The following RBMS3 variants were observed in gnomAD, a reference collection of about 807,000 sequenced individuals.
RBMS3 encodes the protein RNA-binding motif, single-stranded-interacting protein 3.
In RBMS3, 27 loss-of-function variants were observed where a neutral mutation model predicts 66.8. The observed-to-expected ratio is 0.40, with a 90% CI of 0.30 to 0.56. The LOEUF (loss-of-function observed/expected upper bound fraction) is 0.56, where lower values mean the gene tolerates loss of function less well. Ranked by LOEUF, RBMS3 falls within the 20% of genes least tolerant of loss-of-function variation. The pLI is 0.40. For synonymous variants in RBMS3, 188 were observed against 183.0 expected (o/e 1.03, Z -0.22); for missense variants, 513 against 549.5 (o/e 0.93, Z 0.66).
At chr3:29,497,485 T>C (rs2043798292) in intron 3 of RBMS3, among the ~76,000 whole-genome samples, 1 of 152,214 alleles carries the variant, frequency 6.6e-6, no homozygotes, top group Non-Finnish European at 1.5e-5. Context: ...TGTCTTTCAC[T>C]TCCCTATTTT....
intron 11 of RBMS3, among the ~76,000 whole-genome samples, chr3:29,936,539 T>C (rs2061269548): frequency 1.3e-5 from 2 of 152,118 alleles, no homozygotes; most frequent in Non-Finnish European, 2.9e-5. Flanking sequence ...TGGTTTTCTC[T>C]TCCCAGCTGC....
intron 2 of RBMS3, among the ~76,000 whole-genome samples, chr3:29,472,741 A>T (rs2042781049): frequency 6.6e-6 from 1 of 151,938 alleles, no homozygotes; most frequent in African/African-American, 2.4e-5. Flanking sequence ...GAAGCTGCAG[A>T]CCTTCGCGGT....
intron 4 of RBMS3, among the ~76,000 whole-genome samples, chr3:29,649,533 A>G (rs138292016): frequency 6.6e-6 from 1 of 152,316 alleles, no homozygotes; most frequent in African/African-American, 2.4e-5. Flanking sequence ...CTTACAAGTC[A>G]TAAGGGAAAA....
chr3:29,921,063 T>C (rs1173896153), intron 10 of RBMS3, among the ~76,000 whole-genome samples: 1 of 152,024 alleles, frequency 6.6e-6, no homozygotes, highest in African/African-American at 2.4e-5. Flanking sequence ...TTTGTTTTGG[T>C]TTGCTGTTGT....
chr3:29,451,501 T>C (rs2042016637), intron 2 of RBMS3, among the ~76,000 whole-genome samples: 1 of 152,194 alleles, frequency 6.6e-6, no homozygotes, highest in Admixed American at 6.5e-5. Flanking sequence ...GTCTCCCTAA[T>C]ATATAATTAA....
At position 29,825,634 on chromosome 3, in the gene RBMS3, G is replaced by C. The variant is rs558881038; in HGVS notation, c.638-43224G>C. 4.2e-3 allele frequency among the ~76,000 whole-genome samples: 642 copies of C among 152,270 alleles called. 7 individuals are homozygous for C. Among genetic ancestry groups the C allele is most frequent in the African/African-American group, 0.015 (608 of 41,566 alleles). The stretch of plus-strand genomic sequence containing the variant: ...TTCTCCTTTGCCATCTGCCATGCTT[G>C]TGAGAGACTTCCCCAGCCATGTGGA... On this transcript the variant is annotated intron_variant, in intron 6 of 14. Coordinates refer to ENST00000383767, the MANE Select transcript of RBMS3 (RefSeq NM_001003793.3).
chr3:29,771,530 T>C (rs760340496), intron 6 of RBMS3, among the ~76,000 whole-genome samples: 12 of 152,000 alleles, frequency 7.9e-5, no homozygotes, highest in Non-Finnish European at 1.2e-4. Flanking sequence ...TTAGGTTACA[T>C]GAAAAAGAGT....
At chr3:29,291,669 T>C (rs879712837) in intron 1 of RBMS3, among the ~76,000 whole-genome samples, 3 of 151,870 alleles carry the variant, frequency 2.0e-5, no homozygotes, top group Admixed American at 2.0e-4. Context: ...AGGTTTTTTA[T>C]ATGTATTAAA....
chr3:29,750,329 AC>A (rs2055116933), intron 5 of RBMS3, among the ~76,000 whole-genome samples: 1 of 152,182 alleles, frequency 6.6e-6, no homozygotes, highest in Non-Finnish European at 1.5e-5. Context: ...TTTTGAGAAG[AC>A]TTAAAGTAAA....
chr3:29,355,900 T>C (rs1389687593), intron 1 of RBMS3, among the ~76,000 whole-genome samples: 1 of 152,172 alleles, frequency 6.6e-6, no homozygotes, highest in Non-Finnish European at 1.5e-5. Flanking sequence ...AGAACCATTC[T>C]GTACCTCTGG....
intron 2 of RBMS3, among the ~76,000 whole-genome samples, chr3:29,456,924 T>C (rs1022929603): frequency 2.0e-5 from 3 of 152,154 alleles, no homozygotes; most frequent in African/African-American, 7.2e-5. Flanking sequence ...GTGATAAAGA[T>C]TGAATCAGAA....
intron 3 of RBMS3, among the ~76,000 whole-genome samples, chr3:29,586,782 G>T (rs909399237): frequency 1.3e-5 from 2 of 152,060 alleles, no homozygotes; most frequent in African/African-American, 4.8e-5. Context: ...AGCACTTTGT[G>T]TACCTCACTT....
chr3:29,667,645 T>C (rs1177230383), intron 4 of RBMS3, among the ~76,000 whole-genome samples: 1 of 152,180 alleles, frequency 6.6e-6, no homozygotes, highest in Non-Finnish European at 1.5e-5. Flanking sequence ...AAGATTACTA[T>C]AAAGATTCTG....
At chr3:29,820,016 G>A (rs1027354340) in intron 6 of RBMS3, among the ~76,000 whole-genome samples, 1 of 151,642 alleles carries the variant, frequency 6.6e-6, no homozygotes, top group Non-Finnish European at 1.5e-5. Flanking sequence ...CCAACATGGC[G>A]ATACCCTGTC....
chr3:30,000,179 A>T (rs1393295534), intron 14 of RBMS3, among the ~76,000 whole-genome samples: 1 of 152,148 alleles, frequency 6.6e-6, no homozygotes, highest in Non-Finnish European at 1.5e-5. Context: ...ATCTACAAAG[A>T]ACTTGAACAA....
intron 3 of RBMS3, among the ~76,000 whole-genome samples, chr3:29,507,918 C>T (rs2044245908): frequency 6.6e-6 from 1 of 151,924 alleles, no homozygotes; most frequent in African/African-American, 2.4e-5. Flanking sequence ...TAGAAAACAA[C>T]AATAATGACT....
intron 4 of RBMS3, chr3:29,617,160 T>C (rs1188526109): frequency 6.6e-6 from 1 of 152,242 alleles, no homozygotes; most frequent in Non-Finnish European, 1.5e-5. Context: ...AGAATGTCTT[T>C]GTAAGACTAT....
intron 4 of RBMS3, among the ~76,000 whole-genome samples, chr3:29,690,459 T>C (rs1458910123): frequency 6.6e-6 from 1 of 152,200 alleles, no homozygotes; most frequent in Non-Finnish European, 1.5e-5. Context: ...TATATGTATA[T>C]TTTTAAATTT....
intron 14 of RBMS3, among the ~76,000 whole-genome samples, chr3:29,994,621 C>T (rs1577346143): frequency 6.6e-6 from 1 of 152,216 alleles, no homozygotes. Context: ...GGTCCCTGAC[C>T]CCCGAGCAGC....
Sources: allele counts gnomAD v4.1 joint callset (sites outside exome capture counted in the v4.1 genomes callset), GRCh38; gene constraint gnomAD v4.1.1; transcripts MANE v1.5; gene names NCBI Gene and HGNC (gene_info 2026-07-23, HGNC 2026-07-21).